Variants in AKAP13 observed in about 807,000 individuals in gnomAD.
AKAP13 encodes A-kinase anchor protein 13.
Under a neutral mutation model 264.5 loss-of-function variants are expected in AKAP13, and 80 were observed. The observed-to-expected ratio is 0.30, with a 90% CI of 0.25 to 0.36. The LOEUF is 0.36. Ranked by LOEUF, AKAP13 falls within the 10% of genes least tolerant of loss-of-function variation. The pLI, the probability that AKAP13 is intolerant of heterozygous loss-of-function variation, is 1.00. For missense variants in AKAP13, 3,712 were observed against 3,435.2 expected (o/e 1.08, Z -2.01); for synonymous variants, 1,380 against 1,250.2 (o/e 1.10, Z -2.19).
chr15:85,549,531 A>G (rs960650094), intron 5 of AKAP13, among the ~76,000 whole-genome samples: 2 of 152,204 alleles, frequency 1.3e-5, no homozygotes, highest in African/African-American at 2.4e-5. Context: ...TTTCATTTCA[A>G]CCTTATATCA....
chr15:85,699,052 A>G (rs1336765540), intron 17 of AKAP13, among the ~76,000 whole-genome samples: 2 of 152,092 alleles, frequency 1.3e-5, no homozygotes, highest in East Asian at 3.9e-4. Context: ...AGGTGCAGAC[A>G]GAGCTCTCCA....
intron 1 of AKAP13, among the ~76,000 whole-genome samples, chr15:85,418,932 C>T (rs1243397313): frequency 6.6e-6 from 1 of 152,150 alleles, no homozygotes; most frequent in Non-Finnish European, 1.5e-5. Context: ...ATTCAGCAGT[C>T]TGCTTATAGT....
intron 13 of AKAP13, among the ~76,000 whole-genome samples, chr15:85,669,287 TCTA>T (rs1450818651): frequency 1.4e-4 from 21 of 152,206 alleles, no homozygotes; most frequent in Non-Finnish European, 2.6e-4. Flanking sequence ...TTACTGATAT[TCTA>T]CTATATCTGT....
intron 5 of AKAP13, 22 bp from the exon 6 acceptor site, chr15:85,575,109 A>T (rs2078963233): frequency 6.2e-7 from 1 of 1,610,456 alleles, no homozygotes; most frequent in African/African-American, 1.3e-5. Context: ...TATATATATT[A>T]ACCAGAGATG....
intron 12 of AKAP13, chr15:85,662,385 C>G: frequency 6.2e-7 from 1 of 1,614,124 alleles, no homozygotes; most frequent in African/African-American, 1.3e-5. Flanking sequence ...ATGTCATCCC[C>G]AGTATGAGCT....
chr15:85,491,781 C>A (rs2075737382), intron 2 of AKAP13, among the ~76,000 whole-genome samples: 1 of 151,998 alleles, frequency 6.6e-6, no homozygotes, highest in Non-Finnish European at 1.5e-5. Flanking sequence ...AATTCATTTG[C>A]ATCACCTGTA....
chr15:85,400,632 A>G (rs1033480286), intron 1 of AKAP13, among the ~76,000 whole-genome samples: 1 of 152,116 alleles, frequency 6.6e-6, no homozygotes, highest in South Asian at 2.1e-4. Flanking sequence ...ATGATTTTCA[A>G]TCATAATATT....
chr15:85,725,599 A>G (rs918549091), intron 26 of AKAP13, among the ~76,000 whole-genome samples: 14 of 152,188 alleles, frequency 9.2e-5, no homozygotes, highest in African/African-American at 3.4e-4. Flanking sequence ...GGTAGAAGAA[A>G]AGGTGGGGCA....
intron 8 of AKAP13, among the ~76,000 whole-genome samples, chr15:85,628,086 C>G (rs922931444): frequency 6.6e-6 from 1 of 152,148 alleles, no homozygotes; most frequent in Non-Finnish European, 1.5e-5. Context: ...TGTTTCCAAA[C>G]TTATAGGCCA....
intron 8 of AKAP13, among the ~76,000 whole-genome samples, chr15:85,594,702 T>C (rs896028162): frequency 1.3e-5 from 2 of 152,180 alleles, no homozygotes; most frequent in Non-Finnish European, 2.9e-5. Flanking sequence ...GTTTCCATAG[T>C]AGAAAATTAA....
intron 5 of AKAP13, among the ~76,000 whole-genome samples, chr15:85,570,794 A>G (rs959457995): frequency 1.3e-5 from 2 of 152,100 alleles, no homozygotes; most frequent in African/African-American, 4.8e-5. Flanking sequence ...CTACCGCTGG[A>G]GTGGGGAAGG....
At chr15:85,644,764 G>C (rs1280002119) in intron 9 of AKAP13, among the ~76,000 whole-genome samples, 1 of 151,614 alleles carries the variant, frequency 6.6e-6, no homozygotes, top group African/African-American at 2.4e-5. Context: ...TACTCAAGAG[G>C]CTGAAGCAGG....
At chr15:85,592,659 A>G (rs910775940) in intron 8 of AKAP13, among the ~76,000 whole-genome samples, 4 of 152,184 alleles carry the variant, frequency 2.6e-5, no homozygotes, top group Non-Finnish European at 4.4e-5. Context: ...GCTAGCATCA[A>G]CCACACAAAA....
intron 1 of AKAP13, among the ~76,000 whole-genome samples, chr15:85,400,778 A>G (rs563110977): frequency 6.6e-6 from 1 of 151,754 alleles, no homozygotes; most frequent in African/African-American, 2.4e-5. Context: ...TCTTAGGAGT[A>G]TCTTGTTGAT....
At chr15:85,549,788 CTA>C (rs966999913) in intron 5 of AKAP13, among the ~76,000 whole-genome samples, 1 of 152,136 alleles carries the variant, frequency 6.6e-6, no homozygotes, top group African/African-American at 2.4e-5. Flanking sequence ...GGTTTCTAGT[CTA>C]TATGTTTTTT....
intron 1 of AKAP13, among the ~76,000 whole-genome samples, chr15:85,388,434 CCTGAT>C (rs1390805318): frequency 6.6e-6 from 1 of 152,014 alleles, no homozygotes; most frequent in African/African-American, 2.4e-5. Context: ...TTTCCTTTTT[CCTGAT>C]GTTAGAGGGG....
At chr15:85,545,427 T>C (rs998750807) in intron 5 of AKAP13, among the ~76,000 whole-genome samples, 2 of 152,248 alleles carry the variant, frequency 1.3e-5, no homozygotes, top group Admixed American at 6.5e-5. Context: ...AAGACTGTTA[T>C]TGCAGCACAG....
intron 12 of AKAP13, among the ~76,000 whole-genome samples, chr15:85,660,500 G>A (rs1409279588): frequency 6.6e-6 from 1 of 152,024 alleles, no homozygotes; most frequent in Non-Finnish European, 1.5e-5. Context: ...ATCTGTAGAA[G>A]GAGATTATTT....
At chr15:85,561,676 C>A (rs1266060164) in intron 5 of AKAP13, among the ~76,000 whole-genome samples, 1 of 152,078 alleles carries the variant, frequency 6.6e-6, no homozygotes, top group Non-Finnish European at 1.5e-5. Flanking sequence ...TTTTCGAGAT[C>A]TTGAAACCAG....
Sources: gnomAD v4.1 joint callset for allele counts (sites outside exome capture counted in the v4.1 genomes callset) on GRCh38, gnomAD v4.1.1 for gene constraint, MANE v1.5 for transcripts, NCBI Gene and HGNC (gene_info 2026-07-23, HGNC 2026-07-21) for gene names.